Variants in OPCML observed in about 807,000 individuals in gnomAD.
OPCML encodes the protein opioid-binding protein/cell adhesion molecule.
A neutral mutation model predicts 37.8 loss-of-function variants in OPCML; 13 were observed. The observed-to-expected ratio is 0.34, with a 90% CI of 0.22 to 0.55. OPCML has a LOEUF of 0.55. OPCML is among the 20% of genes least tolerant of loss of function. The pLI is 0.91. For missense variants in OPCML, 341 were observed against 435.6 expected (o/e 0.78, Z 1.93); for synonymous variants, 176 against 168.8 (o/e 1.04, Z -0.33).
chr11:133,527,736 T>C (rs893429327), intron 1 of OPCML, among the ~76,000 whole-genome samples: 2 of 152,218 alleles, frequency 1.3e-5, no homozygotes, highest in African/African-American at 4.8e-5. Context: ...ACAAGGTTCA[T>C]ACATGGCTGG....
chr11:132,683,262 T>C (rs903283327), intron 2 of OPCML, among the ~76,000 whole-genome samples: 1 of 152,050 alleles, frequency 6.6e-6, no homozygotes. Flanking sequence ...TAATCAGGCA[T>C]AGTGGCGCAT....
At chr11:132,526,851 C>T (rs1429879553) in intron 4 of OPCML, among the ~76,000 whole-genome samples, 2 of 152,044 alleles carry the variant, frequency 1.3e-5, no homozygotes, top group African/African-American at 2.4e-5. Context: ...TTTCCAACAT[C>T]CCCCAGAATT....
intron 2 of OPCML, among the ~76,000 whole-genome samples, chr11:132,781,954 A>T (rs953966355): frequency 9.6e-4 from 104 of 107,774 alleles, no homozygotes; most frequent in South Asian, 7.8e-3. Context: ...ATATATATAT[A>T]TTTTTTTTTT....
rs74317823 is a variant in OPCML, at chr11:133,062,284, G to C, written c.62-119274C>G. On this transcript the variant is annotated intron_variant, in intron 1 of 7. Transcript: ENST00000524381. The stretch of plus-strand genomic sequence containing the variant: ...TGCCTCTGCCAGACTGGACAGACCC[G>C]AGTGAAAGGAAGTCCATGAATCCCC... Among the ~76,000 whole-genome samples, 345 of 152,216 alleles carry C rather than the reference G, an allele frequency of 2.3e-3. 1 individual carries two copies. Among genetic ancestry groups the C allele is most frequent in the African/African-American group, 7.2e-3 (301 of 41,550 alleles).
chr11:133,070,448 C>G (rs1315647177), intron 1 of OPCML, among the ~76,000 whole-genome samples: 1 of 152,122 alleles, frequency 6.6e-6, no homozygotes, highest in Non-Finnish European at 1.5e-5. Context: ...CCCAGCATCG[C>G]CTGGGAGAAA....
At chr11:132,526,719 C>T (rs768025862) in intron 4 of OPCML, among the ~76,000 whole-genome samples, 2 of 152,112 alleles carry the variant, frequency 1.3e-5, no homozygotes, top group Non-Finnish European at 2.9e-5. Flanking sequence ...GTCTACATTT[C>T]GGTATATTTA....
chr11:132,881,599 G>A (rs1943226522), intron 2 of OPCML, among the ~76,000 whole-genome samples: 1 of 149,480 alleles, frequency 6.7e-6, no homozygotes, highest in Non-Finnish European at 1.5e-5. Flanking sequence ...TAAAGAATTA[G>A]GCAAGATCCC....
At chr11:132,769,434 G>A (rs1012759678) in intron 2 of OPCML, among the ~76,000 whole-genome samples, 2 of 151,912 alleles carry the variant, frequency 1.3e-5, no homozygotes, top group Non-Finnish European at 2.9e-5. Context: ...CTCAGTAAGG[G>A]GTCACTGAAC....
intron 1 of OPCML, among the ~76,000 whole-genome samples, chr11:133,197,808 G>A (rs1388170255): frequency 2.6e-5 from 4 of 152,294 alleles, no homozygotes; most frequent in African/African-American, 9.6e-5. Context: ...AATGGAACAA[G>A]CGTGATCCGA....
chr11:133,024,378 T>G (rs146400392), intron 1 of OPCML: 3 of 985,194 alleles, frequency 3.0e-6, no homozygotes, highest in Non-Finnish European at 3.6e-6. Context: ...TGAACTTAAC[T>G]CATTAGGATG....
intron 1 of OPCML, among the ~76,000 whole-genome samples, chr11:133,244,201 A>T (rs995262227): frequency 6.6e-6 from 1 of 152,184 alleles, no homozygotes; most frequent in Admixed American, 6.5e-5. Flanking sequence ...CAGCTCCACC[A>T]TTCAATAGTG....
At chr11:132,834,117 C>T (rs925120698) in intron 2 of OPCML, among the ~76,000 whole-genome samples, 3 of 152,078 alleles carry the variant, frequency 2.0e-5, no homozygotes, top group Admixed American at 1.3e-4. Flanking sequence ...GAGAAGTTGG[C>T]TGATGTTTGA....
intron 1 of OPCML, among the ~76,000 whole-genome samples, chr11:133,327,494 G>A (rs919168960): frequency 6.6e-6 from 1 of 151,910 alleles, no homozygotes; most frequent in South Asian, 2.1e-4. Context: ...GAAAAAAATC[G>A]TGGAATTAGC....
chr11:132,475,552 C>T (rs2096152288), intron 4 of OPCML, among the ~76,000 whole-genome samples: 1 of 152,098 alleles, frequency 6.6e-6, no homozygotes, highest in African/African-American at 2.4e-5. Flanking sequence ...CACAAAGAGA[C>T]ACCAGAGATG....
chr11:133,149,966 C>T (rs1451423698), intron 1 of OPCML, among the ~76,000 whole-genome samples: 1 of 152,214 alleles, frequency 6.6e-6, no homozygotes, highest in Non-Finnish European at 1.5e-5. Context: ...GGGGAAGCGT[C>T]TGGTGCTTGT....
intron 3 of OPCML, among the ~76,000 whole-genome samples, chr11:132,625,350 G>A (rs886564928): frequency 6.6e-6 from 1 of 152,140 alleles, no homozygotes; most frequent in African/African-American, 2.4e-5. Flanking sequence ...GTATATTTTA[G>A]AAGCAGTCCA....
In OPCML at chr11:132,529,154, T is replaced by G; in HGVS notation, c.412A>C (p.Ile138Leu). The G allele has an allele frequency of 6.2e-7, 1 of 1,612,612 alleles. No individual in the cohort carries two copies. The highest frequency in any genetic ancestry group is 1.7e-5 in the Admixed American group (1 of 59,888). Residue 138 changes from isoleucine to leucine, a missense_variant, in exon 4 of 8, where the codon ATC (isoleucine) becomes CTC (leucine). Ile to Leu is a conservative substitution (Grantham distance 5, BLOSUM62 2). Coordinates refer to ENST00000524381, the MANE Select transcript of OPCML (RefSeq NM_001012393.5). ...PPQIMNISSD[I>L]TVNEGSSVTL... ...ACACTGCTTCCCTCATTCACAGTGA[T>G]GTCTGAGGAGATATTCATGATCTGA...
intron 2 of OPCML, among the ~76,000 whole-genome samples, chr11:132,927,944 T>C (rs1328739409): frequency 1.3e-5 from 2 of 151,934 alleles, no homozygotes; most frequent in East Asian, 1.9e-4. Flanking sequence ...CATGGGGATA[T>C]AGCATAAAGA....
chr11:133,228,736 G>T (rs1940148152), intron 1 of OPCML, among the ~76,000 whole-genome samples: 1 of 152,266 alleles, frequency 6.6e-6, no homozygotes, highest in Non-Finnish European at 1.5e-5. Context: ...CCTCAGCACG[G>T]GCCCAGGAGG....
Sources: gnomAD v4.1 joint callset for allele counts (sites outside exome capture counted in the v4.1 genomes callset) on GRCh38, gnomAD v4.1.1 for gene constraint, MANE v1.5 for transcripts, NCBI Gene and HGNC (gene_info 2026-07-23, HGNC 2026-07-21) for gene names.